The following SDK1 variants were observed in gnomAD, a reference collection of about 807,000 sequenced individuals.
SDK1 encodes the protein sidekick cell adhesion molecule 1.
A neutral mutation model predicts 245.5 loss-of-function variants in SDK1; 157 were observed. The ratio of observed to expected loss-of-function variants is 0.64; its 90% CI spans 0.56 to 0.73. SDK1 has a LOEUF of 0.73. Among genes scored for constraint, SDK1 ranks in the 30% least tolerant of loss-of-function variants. SDK1 has a pLI of 0.00. For synonymous variants in SDK1, 1,647 were observed against 1,278.5 expected (o/e 1.29, Z -6.15); for missense variants, 3,583 against 3,002.3 (o/e 1.19, Z -4.52).
At chr7:3,577,730 T>C (rs1780339370) in intron 1 of SDK1, among the ~76,000 whole-genome samples, 1 of 152,058 alleles carries the variant, frequency 6.6e-6, no homozygotes, top group Admixed American at 6.6e-5. Flanking sequence ...GAGGAAGGCA[T>C]TTTCTGTGTT....
chr7:3,726,056 C>G (rs1171553167), intron 4 of SDK1, among the ~76,000 whole-genome samples: 2 of 152,182 alleles, frequency 1.3e-5, no homozygotes, highest in African/African-American at 2.4e-5. Context: ...AGCAATATCA[C>G]CTTACATCTG....
intron 22 of SDK1, among the ~76,000 whole-genome samples, chr7:4,105,796 G>T (rs1782864071): frequency 2.6e-5 from 4 of 152,188 alleles, no homozygotes; most frequent in Non-Finnish European, 5.9e-5. Flanking sequence ...AAAGGAGTCA[G>T]CCAGTTGCAG....
intron 1 of SDK1, among the ~76,000 whole-genome samples, chr7:3,574,391 C>T (rs1378419585): frequency 1.3e-5 from 2 of 152,098 alleles, no homozygotes; most frequent in Non-Finnish European, 2.9e-5. Flanking sequence ...GCTGGGATTA[C>T]AGGCATGAGC....
intron 1 of SDK1, among the ~76,000 whole-genome samples, chr7:3,464,904 AT>A (rs980489376): frequency 5.3e-5 from 8 of 151,852 alleles, no homozygotes; most frequent in Non-Finnish European, 8.8e-5. Context: ...CATTTATGTG[AT>A]TTTTTTTCCC....
At position 3,540,019 on chromosome 7, in the gene SDK1, A is replaced by C. The variant is rs562051445; in HGVS notation, c.299-79061A>C. ...GTAGTGTGAAATATCTTTACTTTTC[A>C]TTTCAAATTTATGATATTTTGAGTC... is the stretch of plus-strand genomic sequence containing the variant. On this transcript the variant is annotated intron_variant, in intron 1 of 44. Coordinates refer to ENST00000404826, the MANE Select transcript of SDK1 (RefSeq NM_152744.4). 1.6e-3 allele frequency among the ~76,000 whole-genome samples: 247 copies of C among 152,344 alleles called. 1 individual carries two copies. Among genetic ancestry groups the C allele is most frequent in the African/African-American group, 5.7e-3 (235 of 41,590 alleles).
At chr7:4,226,337 A>G (rs571765612) in intron 40 of SDK1, among the ~76,000 whole-genome samples, 2 of 152,246 alleles carry the variant, frequency 1.3e-5, no homozygotes, top group South Asian at 4.2e-4. Context: ...CTCTCTATCC[A>G]GCTGAGTCTC....
intron 1 of SDK1, among the ~76,000 whole-genome samples, chr7:3,372,987 C>T (rs937080255): frequency 1.3e-5 from 2 of 152,112 alleles, no homozygotes; most frequent in Admixed American, 6.6e-5. Context: ...AAACTAAAAT[C>T]CAGTGGTTAA....
At chr7:3,558,873 C>T (rs1273892589) in intron 1 of SDK1, among the ~76,000 whole-genome samples, 1 of 152,172 alleles carries the variant, frequency 6.6e-6, no homozygotes, top group Non-Finnish European at 1.5e-5. Flanking sequence ...TTTTTGTAGA[C>T]TGCTATATGC....
At chr7:3,987,644 A>G (rs908516918) in intron 14 of SDK1, among the ~76,000 whole-genome samples, 47 of 152,260 alleles carry the variant, frequency 3.1e-4, no homozygotes, top group African/African-American at 1.1e-3. Flanking sequence ...AATGCCTGCC[A>G]CCTGGGTGAC....
chr7:3,806,827 T>G lies in SDK1; in HGVS notation c.714-14623T>G, dbSNP rs996012741. 7.2e-5 allele frequency among the ~76,000 whole-genome samples: 11 copies of G among 152,288 alleles called. No individual in the cohort carries two copies. In the South Asian group the frequency reaches 2.1e-3, roughly 29 times the overall value. ...GGGAAAAGTAGCTGCTGCCCCTTTT[T>G]CTATTTTTATCCAGTTTTTTCCCGT... is the stretch of plus-strand genomic sequence containing the variant. On this transcript the variant is annotated intron_variant, in intron 4 of 44. Transcript: ENST00000404826.
chr7:3,984,171 G>C (rs1004996797), intron 13 of SDK1, among the ~76,000 whole-genome samples: 1 of 152,122 alleles, frequency 6.6e-6, no homozygotes, highest in Admixed American at 6.5e-5. Context: ...ACTCTGACTA[G>C]AATCACATCC....
intron 1 of SDK1, among the ~76,000 whole-genome samples, chr7:3,585,931 C>T (rs1487530728): frequency 6.6e-6 from 1 of 152,174 alleles, no homozygotes; most frequent in South Asian, 2.1e-4. Flanking sequence ...TTCTTTGTTG[C>T]TAAAGGAGAC....
intron 1 of SDK1, among the ~76,000 whole-genome samples, chr7:3,447,252 C>G (rs1562491538): frequency 6.6e-6 from 1 of 152,116 alleles, no homozygotes; most frequent in Non-Finnish European, 1.5e-5. Context: ...AGTAAAATAA[C>G]TTAATAGTAA....
At chr7:3,707,448 C>CGA (rs1784922315) in intron 4 of SDK1, among the ~76,000 whole-genome samples, 1 of 152,132 alleles carries the variant, frequency 6.6e-6, no homozygotes, top group Non-Finnish European at 1.5e-5. Flanking sequence ...AAACATTTAT[C>CGA]GAGACTTGTT....
At chr7:4,121,458 ACT>A (rs1784060770) in intron 25 of SDK1, among the ~76,000 whole-genome samples, 2 of 151,896 alleles carry the variant, frequency 1.3e-5, no homozygotes, top group East Asian at 3.9e-4. Context: ...TTCCTCCTTT[ACT>A]CTCTCTTTTC....
At chr7:3,735,910 G>A (rs968332096) in intron 4 of SDK1, among the ~76,000 whole-genome samples, 9 of 151,964 alleles carry the variant, frequency 5.9e-5, no homozygotes, top group African/African-American at 1.9e-4. Flanking sequence ...CTCTCATTGC[G>A]GTTTTAATTC....
intron 1 of SDK1, among the ~76,000 whole-genome samples, chr7:3,601,074 C>G (rs1781239541): frequency 6.6e-6 from 1 of 151,984 alleles, no homozygotes; most frequent in African/African-American, 2.4e-5. Context: ...AGAAGATACT[C>G]TACTTAGTTG....
chr7:4,235,138 G>A (rs546789255), intron 41 of SDK1, among the ~76,000 whole-genome samples: 1 of 152,112 alleles, frequency 6.6e-6, no homozygotes, highest in Non-Finnish European at 1.5e-5. Context: ...TGTGAGAGGG[G>A]CTGTGAGGAA....
intron 4 of SDK1, among the ~76,000 whole-genome samples, chr7:3,730,941 C>A (rs550859148): frequency 6.6e-6 from 1 of 152,256 alleles, no homozygotes; most frequent in East Asian, 1.9e-4. Flanking sequence ...CCCAGATGAA[C>A]CTTAGGACAG....
Sources: gnomAD v4.1 joint callset for allele counts (sites outside exome capture counted in the v4.1 genomes callset) on GRCh38, gnomAD v4.1.1 for gene constraint, MANE v1.5 for transcripts, NCBI Gene and HGNC (gene_info 2026-07-23, HGNC 2026-07-21) for gene names.